SLIT3: variants seen among roughly 807,000 people sequenced by gnomAD.
SLIT3 encodes the protein slit guidance ligand 3, also known as slit homolog 3 protein.
In SLIT3, 68 loss-of-function variants were observed where a neutral mutation model predicts 184.0. The observed-to-expected ratio is 0.37, with a 90% confidence interval of 0.30 to 0.45. SLIT3 has a LOEUF of 0.45. SLIT3 is among the 20% of genes least tolerant of loss of function. The pLI is 1.00. For missense variants in SLIT3, 1,707 were observed against 2,026.0 expected, an observed-to-expected ratio of 0.84 and a Z score of 3.02; for synonymous variants, 831 against 828.6, an observed-to-expected ratio of 1.00 and a Z score of -0.05.
chr5:169,122,556 A>G (rs568978834), intron 4 of SLIT3, among the ~76,000 whole-genome samples: 18 of 152,298 alleles, frequency 1.2e-4, no homozygotes, highest in Admixed American at 3.3e-4. Context: ...CTGTAAAGCT[A>G]TATCAGTTTC....
At chr5:168,818,711 T>G (rs1377195639) in intron 7 of SLIT3, among the ~76,000 whole-genome samples, 1 of 152,194 alleles carries the variant, frequency 6.6e-6, no homozygotes, top group Non-Finnish European at 1.5e-5. Flanking sequence ...ACGCCTGGAA[T>G]AGAGAGAGCT....
At chr5:168,784,789 TC>T (rs1756093546) in intron 12 of SLIT3, among the ~76,000 whole-genome samples, 1 of 152,056 alleles carries the variant, frequency 6.6e-6, no homozygotes, top group Non-Finnish European at 1.5e-5. Context: ...ATGCTGTGGG[TC>T]CTCTGAACTT....
intron 5 of SLIT3, among the ~76,000 whole-genome samples, chr5:168,848,819 G>A (rs1469373292): frequency 6.6e-6 from 1 of 152,198 alleles, no homozygotes; most frequent in Non-Finnish European, 1.5e-5. Context: ...TAGCACTTTT[G>A]AAAGAATTCC....
intron 4 of SLIT3, among the ~76,000 whole-genome samples, chr5:169,057,213 A>G (rs1301703083): frequency 2.6e-5 from 4 of 152,220 alleles, no homozygotes; most frequent in Admixed American, 1.3e-4. Flanking sequence ...AAGTTATCTT[A>G]AACAAGAAGG....
At chr5:169,245,467 T>TA (rs58933815) in intron 2 of SLIT3, among the ~76,000 whole-genome samples, 192 of 149,668 alleles carry the variant, frequency 1.3e-3, no homozygotes, top group African/African-American at 4.4e-3. Context: ...TTCCCTAACT[T>TA]AAAAAAAAAA....
chr5:168,756,451 A>G lies in SLIT3; in HGVS notation c.1686-2444T>C, dbSNP rs1754949969. ...CAGCCGGTGCCTTGGTTCCCTCCTT[A>G]CTCCTTGGCATGACCTCGTTCTCCT... On this transcript the variant is annotated intron_variant, in intron 16 of 35. Transcript: ENST00000519560. 3.3e-5 allele frequency among the ~76,000 whole-genome samples: 5 copies of G among 152,208 alleles called. No homozygotes were observed. The South Asian group carries it at 1.0e-3, about 32-fold the overall frequency.
chr5:169,168,313 C>T (rs368420140), intron 4 of SLIT3, among the ~76,000 whole-genome samples: 2 of 152,288 alleles, frequency 1.3e-5, no homozygotes, highest in South Asian at 2.1e-4. Flanking sequence ...TGAAAAATAA[C>T]TTTAAAAGAT....
At chr5:169,161,946 G>A (rs1044458165) in intron 4 of SLIT3, among the ~76,000 whole-genome samples, 4 of 152,208 alleles carry the variant, frequency 2.6e-5, no homozygotes, top group Admixed American at 6.5e-5. Flanking sequence ...GCCTTGTTAT[G>A]AGAATTAAGT....
In SLIT3 at chr5:168,665,706, G is replaced by C. The variant is rs1001543531; in HGVS notation, c.*748C>G. The C allele has an allele frequency of 1.3e-5, 2 of 149,724 alleles. No individual in the cohort carries two copies. Among genetic ancestry groups the C allele is most frequent in the African/African-American group, 5.1e-5 (2 of 39,088 alleles). The allele number at this position is 149,724 out of a possible 1,614,324, so 9.3% of individuals were successfully genotyped here. On this transcript the variant is annotated 3_prime_UTR_variant, in exon 36 of 36. Transcript: ENST00000519560. ...GAAGGAGAAGAGGGGTCCCCCAGTG[G>C]GTTCAGATACGGAAGCCAGGGCCAC...
At chr5:168,678,016 CTTGTGAGTCCCATTTTAGGG>C (rs1761466504) in intron 32 of SLIT3, among the ~76,000 whole-genome samples, 1 of 152,140 alleles carries the variant, frequency 6.6e-6, no homozygotes, top group African/African-American at 2.4e-5. Context: ...GGAGGGGACT[CTTGTGAGTCCCATTTTAGGG>C]AAGGAAGCTA....
At chr5:169,030,108 C>A (rs528578076) in intron 4 of SLIT3, among the ~76,000 whole-genome samples, 4 of 152,254 alleles carry the variant, frequency 2.6e-5, no homozygotes, top group African/African-American at 4.8e-5. Context: ...TCCCCTGAAA[C>A]TTGTTCTTTG....
intron 1 of SLIT3, among the ~76,000 whole-genome samples, chr5:169,253,862 T>A (rs1765858876): frequency 6.6e-6 from 1 of 152,130 alleles, no homozygotes; most frequent in Non-Finnish European, 1.5e-5. Flanking sequence ...AATAGAATAA[T>A]GGGGCCAAGG....
chr5:168,961,856 G>A (rs929523812), intron 4 of SLIT3, among the ~76,000 whole-genome samples: 5 of 120,204 alleles, frequency 4.2e-5, no homozygotes, highest in African/African-American at 7.4e-5. Context: ...ATGCATGCAC[G>A]CATGTGTGTG....
At chr5:169,030,950 T>C (rs1173781579) in intron 4 of SLIT3, among the ~76,000 whole-genome samples, 1 of 152,186 alleles carries the variant, frequency 6.6e-6, no homozygotes. Flanking sequence ...TCTTGCATGC[T>C]TCTTCTTGGA....
chr5:168,956,599 G>T (rs1048674673), intron 4 of SLIT3, among the ~76,000 whole-genome samples: 24 of 151,980 alleles, frequency 1.6e-4, no homozygotes, highest in Non-Finnish European at 2.5e-4. Flanking sequence ...ACAGAGACCA[G>T]CCTGGCCAAC....
intron 12 of SLIT3, among the ~76,000 whole-genome samples, chr5:168,781,042 T>C (rs1009498432): frequency 5.9e-5 from 9 of 152,214 alleles, no homozygotes; most frequent in African/African-American, 2.2e-4. Flanking sequence ...TTCTCTCCTG[T>C]TGGTGACTGC....
At chr5:168,954,130 A>AG (rs1223573139) in intron 4 of SLIT3, among the ~76,000 whole-genome samples, 1 of 152,098 alleles carries the variant, frequency 6.6e-6, no homozygotes, top group Admixed American at 6.6e-5. Context: ...GGAGGCAAGA[A>AG]GGGGGGCAGA....
chr5:168,883,297 C>A lies in SLIT3; in HGVS notation c.453G>T (p.Lys151Asn). 6.2e-7 allele frequency: 1 copy of A among 1,614,134 alleles called. No homozygotes were observed. Among genetic ancestry groups the A allele is most frequent in the Non-Finnish European group, 8.5e-7 (1 of 1,179,984 alleles). Residue 151 changes from lysine to asparagine, a missense_variant, in exon 5 of 36, where the codon AAG becomes AAT. Physicochemically the swap from Lys to Asn is moderately conservative, Grantham distance 94. This residue lies in a region of SLIT3 where 1,307 missense variants were observed against 1,511.6 expected (regional missense o/e 0.86). Coordinates refer to ENST00000519560, the MANE Select transcript of SLIT3 (RefSeq NM_003062.4). ...SENQIQGIPRKAFRGITDVKN... is the reference protein window; with the variant it reads ...SENQIQGIPRNAFRGITDVKN... ...TCACATCGGTGATGCCGCGGAACGC[C>A]TTCCTCGGGATCCCCTGGATCTGGT...
At chr5:169,204,233 C>G (rs1581051684) in intron 3 of SLIT3, among the ~76,000 whole-genome samples, 1 of 152,180 alleles carries the variant, frequency 6.6e-6, no homozygotes, top group East Asian at 1.9e-4. Context: ...CCAACTTCTG[C>G]TGAGACACAG....
Sources: gnomAD v4.1 joint callset for allele counts (sites outside exome capture counted in the v4.1 genomes callset) on GRCh38, gnomAD v4.1.1 for gene constraint, gnomAD v4.1.1 regional missense constraint, MANE v1.5 for transcripts, NCBI Gene and HGNC (gene_info 2026-07-23, HGNC 2026-07-21) for gene names.